MGLL: variants seen among roughly 807,000 people sequenced by gnomAD.
MGLL encodes monoglyceride lipase.
A neutral mutation model predicts 29.1 loss-of-function variants in MGLL; 7 were observed. That is an observed-to-expected ratio of 0.24 (90% CI 0.14 to 0.45). The LOEUF (loss-of-function observed/expected upper bound fraction) is 0.45, where lower values mean the gene tolerates loss of function less well. Ranked by LOEUF, MGLL falls within the 20% of genes least tolerant of loss-of-function variation. The pLI is 0.99. For missense variants in MGLL, 356 were observed against 413.6 expected, an observed-to-expected ratio of 0.86 and a Z score of 1.21; for synonymous variants, 148 against 168.3, an observed-to-expected ratio of 0.88 and a Z score of 0.93.
chr3:127,811,853 T>G (rs536896783), intron 2 of MGLL, among the ~76,000 whole-genome samples: 8 of 152,370 alleles, frequency 5.3e-5, no homozygotes, highest in African/African-American at 1.9e-4. Context: ...GGCCTGCCAG[T>G]GCCTGCTGAT....
intron 2 of MGLL, among the ~76,000 whole-genome samples, chr3:127,790,605 C>T (rs1006129448): frequency 6.6e-6 from 1 of 152,124 alleles, no homozygotes; most frequent in African/African-American, 2.4e-5. Flanking sequence ...TTCCTTCGTC[C>T]GTAAGGAACA....
intron 2 of MGLL, among the ~76,000 whole-genome samples, chr3:127,783,457 C>A: frequency 6.6e-6 from 1 of 152,190 alleles, no homozygotes; most frequent in Non-Finnish European, 1.5e-5. Context: ...AGCCCACAAC[C>A]TTCTGAGGAC....
At chr3:127,733,644 G>A (rs1176316748) in intron 3 of MGLL, among the ~76,000 whole-genome samples, 3 of 152,298 alleles carry the variant, frequency 2.0e-5, no homozygotes, top group East Asian at 1.9e-4. Context: ...AGAGAGGGGA[G>A]GCTGAGGAGA....
At chr3:127,794,549 G>C (rs145061288) in intron 2 of MGLL, among the ~76,000 whole-genome samples, 1 of 140,946 alleles carries the variant, frequency 7.1e-6, no homozygotes, top group Non-Finnish European at 1.5e-5. Flanking sequence ...GTGATGTAAG[G>C]CTGTCTTCTG....
intron 3 of MGLL, among the ~76,000 whole-genome samples, chr3:127,780,282 G>C (rs1184168717): frequency 1.3e-5 from 2 of 152,212 alleles, no homozygotes; most frequent in Non-Finnish European, 2.9e-5. Flanking sequence ...ATACAAAATA[G>C]ATTCTTGGGA....
intron 5 of MGLL, 70 bp downstream of exon 5, chr3:127,720,983 C>G: frequency 7.4e-7 from 1 of 1,352,404 alleles, no homozygotes; most frequent in Non-Finnish European, 1.1e-6. Context: ...TACATAGACT[C>G]AGGCTACAAA....
chr3:127,781,680 G>T lies in MGLL; in HGVS notation c.262+109C>A, dbSNP rs75852701. 8 of 1,025,908 alleles carry T rather than the reference G, an allele frequency of 7.8e-6. No individual in the cohort carries two copies. The East Asian group carries it at 1.9e-4, about 24-fold the overall frequency. 63.6% of individuals were successfully genotyped at this position (1,025,908 alleles called of 1,614,324 possible). A position where few individuals can be genotyped will look rare whatever the true frequency, so the allele number is the denominator to read the frequency against. ...TACATTTTTTTACTTTGAAACATCC[G>T]TGGGGAATAGAAGAATTGAGAAGGA... On this transcript the variant is annotated intron_variant, in intron 3 of 7. Coordinates refer to ENST00000265052, the MANE Select transcript of MGLL (RefSeq NM_007283.7).
At chr3:127,719,896 C>T (rs2075886081) in intron 5 of MGLL, among the ~76,000 whole-genome samples, 1 of 152,150 alleles carries the variant, frequency 6.6e-6, no homozygotes, top group African/African-American at 2.4e-5. Context: ...AGTAAATCAT[C>T]GTTCTCTGGC....
chr3:127,740,588 G>A (rs899346603), intron 3 of MGLL, among the ~76,000 whole-genome samples: 1 of 152,202 alleles, frequency 6.6e-6, no homozygotes, highest in Non-Finnish European at 1.5e-5. Flanking sequence ...TTCCAGTTCT[G>A]TGGGGGTTGT....
At chr3:127,705,492 A>G (rs2075582526) in intron 6 of MGLL, among the ~76,000 whole-genome samples, 1 of 152,098 alleles carries the variant, frequency 6.6e-6, no homozygotes, top group Non-Finnish European at 1.5e-5. Context: ...GAAGACATAC[A>G]AGGTCCCAGT....
chr3:127,696,100 C>T (rs139536844), intron 6 of MGLL, among the ~76,000 whole-genome samples: 3 of 152,338 alleles, frequency 2.0e-5, no homozygotes, highest in Admixed American at 1.3e-4. Context: ...CAGGGCTACA[C>T]AGGGTGGTCA....
At chr3:127,701,330 T>A (rs1049456932) in intron 6 of MGLL, among the ~76,000 whole-genome samples, 2 of 151,872 alleles carry the variant, frequency 1.3e-5, no homozygotes, top group Non-Finnish European at 2.9e-5. Context: ...TGGAAACAGC[T>A]GTGCTTGGCG....
chr3:127,742,037 T>C (rs1278394681), intron 3 of MGLL, among the ~76,000 whole-genome samples: 1 of 152,194 alleles, frequency 6.6e-6, no homozygotes, highest in Non-Finnish European at 1.5e-5. Context: ...TTTACAGATG[T>C]CTATGGAATT....
intron 3 of MGLL, among the ~76,000 whole-genome samples, chr3:127,734,221 T>C (rs1313196243): frequency 4.6e-5 from 7 of 152,216 alleles, no homozygotes. Flanking sequence ...ACGCAACATG[T>C]GTTACCCAAA....
chr3:127,716,981 A>T (rs2075828575), intron 5 of MGLL, among the ~76,000 whole-genome samples: 1 of 152,188 alleles, frequency 6.6e-6, no homozygotes, highest in African/African-American at 2.4e-5. Context: ...CTGATAGATC[A>T]GGGGCTCAGC....
intron 6 of MGLL, among the ~76,000 whole-genome samples, chr3:127,697,379 G>T (rs571500418): frequency 6.6e-6 from 1 of 152,192 alleles, no homozygotes; most frequent in African/African-American, 2.4e-5. Context: ...CTGTCTGCCC[G>T]GCACTAAGTG....
intron 2 of MGLL, among the ~76,000 whole-genome samples, chr3:127,783,438 C>T (rs1027693721): frequency 9.9e-5 from 15 of 152,178 alleles, no homozygotes. Flanking sequence ...ATGCCCCCAC[C>T]TTGACATCAG....
At position 127,714,880 on chromosome 3, in the gene MGLL, C is replaced by T. The variant is rs1410505466; in HGVS notation, c.511-4215G>A. 2.0e-5 allele frequency among the ~76,000 whole-genome samples: 3 copies of T among 152,288 alleles called. No individual in the cohort carries two copies. In the East Asian group the frequency reaches 5.8e-4, roughly 29 times the overall value. ...CCCTGTCTTCCCAGGAAGATGGAAC[C>T]GCCTGTACTGTTCTGTTCCTTCAAT... is the stretch of plus-strand genomic sequence containing the variant. On this transcript the variant is annotated intron_variant, in intron 5 of 7. Transcript: ENST00000265052.
intron 5 of MGLL, chr3:127,710,878 G>C (rs898659977): frequency 1.7e-5 from 10 of 589,110 alleles, no homozygotes; most frequent in South Asian, 3.7e-5. Flanking sequence ...CCACCTTGGG[G>C]GAGCTGGCCA....
Sources: gnomAD v4.1 joint callset for allele counts (sites outside exome capture counted in the v4.1 genomes callset) on GRCh38, gnomAD v4.1.1 for gene constraint, MANE v1.5 for transcripts, NCBI Gene and HGNC (gene_info 2026-07-23, HGNC 2026-07-21) for gene names.